Variants in IBTK observed in about 807,000 individuals in gnomAD.
IBTK encodes BTK-binding protein.
IBTK carries 83 observed loss-of-function variants against 154.9 expected under a neutral mutation model. That is an observed-to-expected ratio of 0.54 (90% CI 0.45 to 0.64). IBTK has a LOEUF of 0.64. Ranked by LOEUF, IBTK falls within the 30% of genes least tolerant of loss-of-function variation. The pLI, the probability that IBTK is intolerant of heterozygous loss-of-function variation, is 0.00. For missense variants in IBTK, 1,332 were observed against 1,584.6 expected (o/e 0.84, Z 2.71); for synonymous variants, 515 against 536.1 (o/e 0.96, Z 0.54).
intron 2 of IBTK, among the ~76,000 whole-genome samples, chr6:82,236,303 A>T (rs913818694): frequency 1.3e-5 from 2 of 152,208 alleles, no homozygotes; most frequent in African/African-American, 4.8e-5. Context: ...ACTGCCTGGC[A>T]CATATCAGGC....
chr6:82,171,473 T>A lies in IBTK; in HGVS notation c.4014A>T (p.Thr1338=). ...TAGGTACTGCCAGTGGTCCCTGCGG[T>A]GTCCTTTCAACAATGACAAACTCTT... The part of the protein sequence containing the change: ...NPEEFVIVER[T]PQGPLAVPMW... Residue 1338 remains threonine, a synonymous_variant, in exon 29 of 29, where the codon ACA becomes ACT. Transcript: ENST00000306270. The A allele has an allele frequency of 6.2e-7, 1 of 1,613,468 alleles. No homozygotes were observed. The highest frequency in any genetic ancestry group is 8.5e-7 in the Non-Finnish European group (1 of 1,179,614).
chr6:82,211,743 AG>A (rs1379221516), intron 13 of IBTK, among the ~76,000 whole-genome samples, 171 bp from the exon 14 acceptor site: 1 of 152,248 alleles, frequency 6.6e-6, no homozygotes. Context: ...AGGGAAGATA[AG>A]GGCCTTAGAG....
In IBTK at chr6:82,232,046, TTTTTTTTTTGTTGTTG is replaced by T. The variant is rs1770525625; in HGVS notation, c.419-220_419-205del. ...CAATCAAACATTTGTTCCTTGCTTC[TTTTTTTTTTGTTGTTG>T]TTTTTTTTTAATAATTGAGACAAGG... On this transcript the variant is annotated intron_variant, in intron 3 of 28. Coordinates refer to ENST00000306270, the MANE Select transcript of IBTK (RefSeq NM_015525.4). Among the ~76,000 whole-genome samples the T allele has an allele frequency of 2.4e-5, 3 of 126,316 alleles. No individual in the cohort carries two copies. The Admixed American group carries it at 2.5e-4, about 11-fold the overall frequency. 82.9% of individuals were successfully genotyped at this position (126,316 alleles called of 152,430 possible).
At chr6:82,218,411 CCT>C (rs1204254145) in intron 9 of IBTK, among the ~76,000 whole-genome samples, 12 of 152,088 alleles carry the variant, frequency 7.9e-5, no homozygotes, top group Non-Finnish European at 1.8e-4. Context: ...TCCAGTATTA[CCT>C]GTTTAGGGCA....
At chr6:82,171,591 T>TTTTAATTATAAACTTCTTTACTCC in intron 28 of IBTK, 35 bp from the exon 29 acceptor site, 1 of 1,540,794 alleles carries the variant, frequency 6.5e-7, no homozygotes, top group South Asian at 1.2e-5. Flanking sequence ...CTCTTTACTC[T>TTTTAATTATAAACTTCTTTACTCC]TTTAATTATA....
intron 19 of IBTK, 45 bp from the exon 20 acceptor site, chr6:82,200,753 G>GTTT (rs138809525): frequency 0.016 from 6,218 of 392,556 alleles, 10 homozygotes; most frequent in South Asian, 0.039. Flanking sequence ...AATCTGTGAA[G>GTTT]TTTTTTTTTT....
intron 26 of IBTK, among the ~76,000 whole-genome samples, chr6:82,179,794 A>G (rs935701998): frequency 2.6e-5 from 4 of 152,214 alleles, no homozygotes; most frequent in Non-Finnish European, 4.4e-5. Context: ...AAGTGTGCCC[A>G]GACCACATGA....
In IBTK at chr6:82,202,546, G is replaced by A; in HGVS notation, c.2711C>T (p.Ala904Val). The A allele has an allele frequency of 4.4e-6, 7 of 1,602,110 alleles. No individual in the cohort carries two copies. Among genetic ancestry groups the A allele is most frequent in the Non-Finnish European group, 6.0e-6 (7 of 1,171,638 alleles). Residue 904 changes from alanine (A) to valine (V), a missense_variant, in exon 18 of 29, where the codon GCA (alanine) becomes GTA (valine). Ala to Val is a moderately conservative substitution (Grantham distance 64, BLOSUM62 0). This residue lies in a region of IBTK where 1,134 missense variants were observed against 1,274.7 expected (regional missense o/e 0.89). Coordinates refer to ENST00000306270, the MANE Select transcript of IBTK (RefSeq NM_015525.4). ...CACCTACCTTGCTTCAAGTAAAGCT[G>A]CCATATTCAATCCTATAAACTGTAA... ...SCLQFIGLNMAALLEARSLDV... is the reference protein window; with the variant it reads ...SCLQFIGLNMVALLEARSLDV...
chr6:82,174,044 A>T (rs2127796005), intron 26 of IBTK, among the ~76,000 whole-genome samples: 1 of 152,296 alleles, frequency 6.6e-6, no homozygotes, highest in African/African-American at 2.4e-5. Context: ...AAAAACTTAA[A>T]AAGGTACAAT....
chr6:82,245,455 G>A (rs1771108192), intron 1 of IBTK, among the ~76,000 whole-genome samples: 1 of 152,128 alleles, frequency 6.6e-6, no homozygotes, highest in Non-Finnish European at 1.5e-5. Flanking sequence ...TACTCTGGAG[G>A]CTGAGGTGGG....
chr6:82,198,928 T>C (rs1174998954), intron 21 of IBTK, among the ~76,000 whole-genome samples: 2 of 152,080 alleles, frequency 1.3e-5, no homozygotes, highest in Non-Finnish European at 2.9e-5. Flanking sequence ...AGTTTTATAC[T>C]AGTTAGAAGA....
intron 16 of IBTK, chr6:82,205,487 G>C (rs1769369084): frequency 6.6e-6 from 1 of 152,208 alleles, no homozygotes; most frequent in Non-Finnish European, 1.5e-5. Context: ...ACTTTCTTGG[G>C]CCAGGTGTGG....
At chr6:82,218,454 A>G (rs917216654) in intron 9 of IBTK, among the ~76,000 whole-genome samples, 6 of 152,222 alleles carry the variant, frequency 3.9e-5, no homozygotes, top group African/African-American at 1.4e-4. Flanking sequence ...AAAGAAAAAC[A>G]AAATCTTAAA....
chr6:82,225,393 G>T, intron 6 of IBTK, 84 bp downstream of exon 6: 1 of 932,968 alleles, frequency 1.1e-6, no homozygotes. Flanking sequence ...AAAATAAGTT[G>T]CTCTGTCAAT....
At chr6:82,191,900 C>A in intron 23 of IBTK, 21 bp from the exon 24 acceptor site, 3 of 1,464,754 alleles carry the variant, frequency 2.0e-6, no homozygotes, top group South Asian at 2.4e-5. Context: ...TAAAAGGTTA[C>A]TTTGCAAAGC....
At chr6:82,245,456 C>T (rs924689885) in intron 1 of IBTK, among the ~76,000 whole-genome samples, 4 of 151,980 alleles carry the variant, frequency 2.6e-5, no homozygotes, top group Admixed American at 2.6e-4. Context: ...ACTCTGGAGG[C>T]TGAGGTGGGA....
chr6:82,245,243 C>A lies in IBTK; in HGVS notation c.-358+2319G>T, dbSNP rs922807135. Among the ~76,000 whole-genome samples, 6 of 152,042 alleles carry A rather than the reference C, an allele frequency of 3.9e-5. 1 individual carries two copies. The highest frequency in any genetic ancestry group is 3.9e-4 in the Admixed American group (6 of 15,270). ...GGTAAGACTTTCTACAGGAGATAAA[C>A]TATGTATAAACTAAGACTTAAAAGA... On this transcript the variant is annotated intron_variant, in intron 1 of 28. Transcript: ENST00000306270.
intron 23 of IBTK, among the ~76,000 whole-genome samples, chr6:82,193,181 CTTA>C (rs1369721134): frequency 6.6e-6 from 1 of 151,378 alleles, no homozygotes; most frequent in African/African-American, 2.4e-5. Context: ...ACAAATTCTA[CTTA>C]TTATTTACAC....
At chr6:82,197,807 C>G (rs1769056591) in intron 21 of IBTK, among the ~76,000 whole-genome samples, 1 of 152,094 alleles carries the variant, frequency 6.6e-6, no homozygotes, top group South Asian at 2.1e-4. Flanking sequence ...TACTTCTGGT[C>G]AAAAACAGTT....
Sources: gnomAD v4.1 joint callset for allele counts (sites outside exome capture counted in the v4.1 genomes callset) on GRCh38, gnomAD v4.1.1 for gene constraint, gnomAD v4.1.1 regional missense constraint, MANE v1.5 for transcripts, NCBI Gene and HGNC (gene_info 2026-07-23, HGNC 2026-07-21) for gene names.